The following SMR3B variants were observed in gnomAD, a reference collection of about 807,000 sequenced individuals.
SMR3B encodes the protein submaxillary gland androgen-regulated protein 3B.
For synonymous variants in SMR3B, 42 were observed against 36.1 expected (o/e 1.16, Z -0.59); for missense variants, 114 against 99.9 (o/e 1.14, Z -0.60).
At chr4:70,384,878 A>G in intron 2 of SMR3B, 1 of 237,318 alleles carries the variant, frequency 4.2e-6, no homozygotes, top group Non-Finnish European at 8.0e-6. Context: ...TAATCAAAAT[A>G]AAACCGTTTT....
Position 70,384,489 on chromosome 4 carries a change from A to G in SMR3B, c.-14-8A>G, listed in dbSNP as rs1452412970. 6.3e-7 allele frequency: 1 copy of G among 1,596,092 alleles called. No homozygotes were observed. The highest frequency in any genetic ancestry group is 8.5e-7 in the Non-Finnish European group (1 of 1,173,150). On this transcript the variant is annotated splice_region_variant and splice_polypyrimidine_tract_variant and intron_variant, in intron 1 of 2. Coordinates refer to ENST00000304915, the MANE Select transcript of SMR3B (RefSeq NM_006685.4). The stretch of plus-strand genomic sequence containing the variant: ...ATCATACTGATCACCTATTGTGCTT[A>G]CTTTCAGAGGCAACTGAAAGGATGA...
intron 2 of SMR3B, among the ~76,000 whole-genome samples, chr4:70,388,278 T>TG (rs1299144225): frequency 3.9e-5 from 6 of 152,004 alleles, no homozygotes; most frequent in South Asian, 2.1e-4. Flanking sequence ...CAGCTATTTT[T>TG]TTTTTATTTT....
Position 70,390,074 on chromosome 4 carries a change from A to C in SMR3B, c.*226A>C. 1 of 883,548 alleles carries C rather than the reference A, an allele frequency of 1.1e-6. No homozygotes were observed. The highest frequency in any genetic ancestry group is 1.9e-6 in the Non-Finnish European group (1 of 531,280). The allele number at this position is 883,548 out of a possible 1,614,324, so 54.7% of individuals were successfully genotyped here. ...TACTACCCAAAATATGAATTCCAAC[A>C]CTGCTTCCAAGAGACATTTACATAA... On this transcript the variant is annotated 3_prime_UTR_variant, in exon 3 of 3. Transcript: ENST00000304915.
chr4:70,389,872 C>T lies in SMR3B; in HGVS notation c.*24C>T. 2 of 1,612,234 alleles carry T rather than the reference C, an allele frequency of 1.2e-6. No homozygotes were observed. The highest frequency in any genetic ancestry group is 1.7e-6 in the Non-Finnish European group (2 of 1,178,756). ...AAGGTCCACCACTCCATCCTGATGC[C>T]CCAGGTTATCCACAGCCTCCTTCCC... is the stretch of plus-strand genomic sequence containing the variant. On this transcript the variant is annotated 3_prime_UTR_variant, in exon 3 of 3. Coordinates refer to ENST00000304915, the MANE Select transcript of SMR3B (RefSeq NM_006685.4).
intron 2 of SMR3B, among the ~76,000 whole-genome samples, chr4:70,386,276 AAAAAAAAAAAAG>A (rs1732664349): frequency 6.6e-6 from 1 of 151,182 alleles, no homozygotes; most frequent in South Asian, 2.1e-4. Context: ...CTATCTCAAA[AAAAAAAAAAAAG>A]AAAAAAGAAA....
In SMR3B at chr4:70,390,167, T is replaced by C; in HGVS notation, c.*319T>C. ...GCTGAGCTTTGGGGAGAAATAATCT[T>C]AGAAAGAAATTGTAGAAAAAACCCA... On this transcript the variant is annotated 3_prime_UTR_variant, in exon 3 of 3. Transcript: ENST00000304915. 3.2e-6 allele frequency: 2 copies of C among 629,050 alleles called. No homozygotes were observed. The highest frequency in any genetic ancestry group is 5.7e-6 in the Non-Finnish European group (2 of 353,576). The allele number at this position is 629,050 out of a possible 1,614,324, so 39.0% of individuals were successfully genotyped here.
chr4:70,389,885 C>T lies in SMR3B; in HGVS notation c.*37C>T, dbSNP rs182418448. The T allele has an allele frequency of 1.2e-5, 20 of 1,610,886 alleles. No homozygotes were observed. In the Admixed American group the frequency reaches 2.8e-4, roughly 23 times the overall value. ...CCATCCTGATGCCCCAGGTTATCCA[C>T]AGCCTCCTTCCCGACCAAGACCCTA... is the stretch of plus-strand genomic sequence containing the variant. On this transcript the variant is annotated 3_prime_UTR_variant, in exon 3 of 3. Transcript: ENST00000304915.
intron 2 of SMR3B, among the ~76,000 whole-genome samples, chr4:70,386,312 G>C (rs901555513): frequency 6.6e-6 from 1 of 150,724 alleles, no homozygotes; most frequent in Admixed American, 6.6e-5. Flanking sequence ...ATAGTTTTCT[G>C]ATAACATAAG....
At chr4:70,385,533 A>T (rs993429237) in intron 2 of SMR3B, among the ~76,000 whole-genome samples, 5 of 150,860 alleles carry the variant, frequency 3.3e-5, no homozygotes, top group African/African-American at 1.2e-4. Context: ...CCTCCGGTGT[A>T]GCTGGGACTA....
chr4:70,389,154 C>G (rs1004012594), intron 2 of SMR3B, among the ~76,000 whole-genome samples: 1 of 152,138 alleles, frequency 6.6e-6, no homozygotes, highest in Non-Finnish European at 1.5e-5. Context: ...TCATTATTAT[C>G]TCAGTTTCTT....
chr4:70,386,981 G>A (rs77455367), intron 2 of SMR3B, among the ~76,000 whole-genome samples: 19,881 of 152,044 alleles, frequency 0.13, 1,632 homozygotes, highest in South Asian at 0.3. Flanking sequence ...GAAGTGCCTT[G>A]GTATTTTTCA....
At chr4:70,383,909 C>T (rs1237402085) in intron 1 of SMR3B, among the ~76,000 whole-genome samples, 1 of 152,054 alleles carries the variant, frequency 6.6e-6, no homozygotes, top group Non-Finnish European at 1.5e-5. Context: ...TTTGGAAGCA[C>T]TTTGAGACCA....
At chr4:70,384,856 T>G (rs1011181579) in intron 2 of SMR3B, 16 of 294,804 alleles carry the variant, frequency 5.4e-5, no homozygotes, top group African/African-American at 3.5e-4. Flanking sequence ...GGTAAAACTC[T>G]ATAAAAATAG....
intron 2 of SMR3B, among the ~76,000 whole-genome samples, chr4:70,386,079 C>T (rs1732659897): frequency 6.6e-6 from 1 of 151,780 alleles, no homozygotes; most frequent in Non-Finnish European, 1.5e-5. Context: ...TCAAGGCCAG[C>T]TTGGCCAACA....
chr4:70,388,735 A>G (rs1732709133), intron 2 of SMR3B, among the ~76,000 whole-genome samples: 1 of 152,206 alleles, frequency 6.6e-6, no homozygotes, highest in Admixed American at 6.5e-5. Flanking sequence ...TTCATAGAAG[A>G]TCTGTTTGTA....
chr4:70,384,787 C>CT lies in SMR3B; in HGVS notation c.54+224dup, dbSNP rs570691761. On this transcript the variant is annotated intron_variant, in intron 2 of 2. Coordinates refer to ENST00000304915, the MANE Select transcript of SMR3B (RefSeq NM_006685.4). ...GACAGCTCAAGTCTGTGGTATCAGACTGCATTAAACAGATACGTATAAATG... is the reference window on the plus strand; with the variant it reads ...GACAGCTCAAGTCTGTGGTATCAGACTTGCATTAAACAGATACGTATAAATG... 7.7e-4 allele frequency: 574 copies of CT among 746,882 alleles called. 7 individuals are homozygous for CT. The East Asian group carries it at 0.017, about 22-fold the overall frequency. 46.3% of individuals were successfully genotyped at this position (746,882 alleles called of 1,614,324 possible). A position where few individuals can be genotyped will look rare whatever the true frequency, so the allele number is the denominator to read the frequency against.
In SMR3B at chr4:70,384,534, G is replaced by C; in HGVS notation, c.24G>C (p.Leu8Phe). The C allele has an allele frequency of 6.2e-7, 1 of 1,610,598 alleles. No homozygotes were observed. The highest frequency in any genetic ancestry group is 1.1e-5 in the South Asian group (1 of 90,620). Residue 8 changes from leucine to phenylalanine, a missense_variant, in exon 2 of 3, where the codon TTG becomes TTC. Leu to Phe is a conservative substitution (Grantham distance 22). Transcript: ENST00000304915. ...GGATGAAATCACTGACTTGGATCTT[G>C]GGCCTTTGGGCTCTTGCAGCGTGTT... MKSLTWI[L>F]GLWALAACFT...
intron 1 of SMR3B, among the ~76,000 whole-genome samples, 166 bp downstream of exon 1, chr4:70,383,378 A>C (rs914845440): frequency 2.6e-5 from 4 of 152,110 alleles, no homozygotes; most frequent in African/African-American, 9.7e-5. Flanking sequence ...AATGCAATAA[A>C]TTTTGAAAAA....
intron 2 of SMR3B, among the ~76,000 whole-genome samples, chr4:70,385,874 T>C (rs1732655540): frequency 6.6e-6 from 1 of 152,166 alleles, no homozygotes; most frequent in African/African-American, 2.4e-5. Context: ...ATAAAGCTTA[T>C]TTTCAATATT....
Sources: gnomAD v4.1 joint callset for allele counts (sites outside exome capture counted in the v4.1 genomes callset) on GRCh38, gnomAD v4.1.1 for gene constraint, MANE v1.5 for transcripts, NCBI Gene and HGNC (gene_info 2026-07-23, HGNC 2026-07-21) for gene names.